Variants in SLMAP observed in about 807,000 individuals in gnomAD.
SLMAP encodes the protein sarcolemmal membrane-associated protein.
In SLMAP, 44 loss-of-function variants were observed where a neutral mutation model predicts 128.8. The observed-to-expected ratio is 0.34, with a 90% confidence interval of 0.27 to 0.44. The LOEUF is 0.44. Among genes scored for constraint, SLMAP ranks in the 20% least tolerant of loss-of-function variants. SLMAP has a pLI of 1.00. For synonymous variants in SLMAP, 327 were observed against 348.8 expected (o/e 0.94, Z 0.70); for missense variants, 787 against 985.3 (o/e 0.80, Z 2.69).
At chr3:57,811,291 A>T (rs1455693594) in intron 2 of SLMAP, among the ~76,000 whole-genome samples, 1 of 151,988 alleles carries the variant, frequency 6.6e-6, no homozygotes, top group Non-Finnish European at 1.5e-5. Context: ...TTCTGCCTCC[A>T]TGATTTTGGA....
chr3:57,912,314 C>A, intron 19 of SLMAP, 67 bp from the exon 20 acceptor site: 1 of 1,382,390 alleles, frequency 7.2e-7, no homozygotes, highest in South Asian at 1.3e-5. Flanking sequence ...TATGCATTAG[C>A]TACAATCCTG....
intron 14 of SLMAP, among the ~76,000 whole-genome samples, chr3:57,878,372 T>G (rs893324039): frequency 1.3e-4 from 20 of 152,248 alleles, no homozygotes; most frequent in Non-Finnish European, 2.2e-4. Flanking sequence ...TTTTCTGGTT[T>G]GAATACCGAT....
intron 13 of SLMAP, among the ~76,000 whole-genome samples, chr3:57,870,537 C>G (rs576353008): frequency 1.1e-3 from 169 of 151,998 alleles, no homozygotes; most frequent in African/African-American, 4.0e-3. Flanking sequence ...GCTCTGCACA[C>G]CATGTAACTT....
intron 2 of SLMAP, among the ~76,000 whole-genome samples, chr3:57,823,951 TG>T (rs2092732197): frequency 6.6e-6 from 1 of 152,232 alleles, no homozygotes; most frequent in South Asian, 2.1e-4. Flanking sequence ...GGTTTTGATT[TG>T]CATTTCTCTG....
At chr3:57,771,555 G>T (rs1220513430) in intron 2 of SLMAP, among the ~76,000 whole-genome samples, 2 of 151,750 alleles carry the variant, frequency 1.3e-5, no homozygotes, top group African/African-American at 4.8e-5. Context: ...TTTTAGACAG[G>T]GTCTTGTTCT....
chr3:57,757,697 C>A lies in SLMAP; in HGVS notation c.46C>A (p.Pro16Thr). The A allele has an allele frequency of 6.2e-7, 1 of 1,614,146 alleles. No individual in the cohort carries two copies. Among genetic ancestry groups the A allele is most frequent in the Non-Finnish European group, 8.5e-7 (1 of 1,180,044 alleles). Reference sequence around the variant, plus strand: ...CTTCACTTGCCGCCCGAACTCGCACCCGTTTCAGGAGCGTCATGTCTACCT... The same window carrying A: ...CTTCACTTGCCGCCCGAACTCGCACACGTTTCAGGAGCGTCATGTCTACCT... ...AIFTCRPNSH[P>T]FQERHVYLDE... Residue 16 changes from proline to threonine, a missense_variant, in exon 2 of 25, where the codon CCG (proline) becomes ACG (threonine). By Grantham distance (38) the Pro-to-Thr change is conservative (BLOSUM62 -1). Around this residue, in one of 2 missense-constraint regions of SLMAP, gnomAD observed 72 missense variants for 141.8 expected, o/e 0.51. Coordinates refer to ENST00000671191, the MANE Select transcript of SLMAP (RefSeq NM_001377540.1).
At chr3:57,841,073 T>G (rs1272926183) in intron 3 of SLMAP, among the ~76,000 whole-genome samples, 1 of 152,190 alleles carries the variant, frequency 6.6e-6, no homozygotes, top group Non-Finnish European at 1.5e-5. Flanking sequence ...AATTGGAGAT[T>G]AAGACACTTT....
intron 2 of SLMAP, among the ~76,000 whole-genome samples, chr3:57,798,559 TA>T (rs1480109700): frequency 1.3e-5 from 2 of 152,146 alleles, no homozygotes; most frequent in African/African-American, 4.8e-5. Context: ...AGAGAATATA[TA>T]TTATAGCTCA....
intron 17 of SLMAP, chr3:57,901,403 G>A (rs1415969815): frequency 6.6e-6 from 1 of 152,254 alleles, no homozygotes; most frequent in Admixed American, 6.5e-5. Flanking sequence ...TTGTTTGTTT[G>A]TTTCAGAGGA....
rs1333788570 is a variant in SLMAP, at chr3:57,867,550, A to T, written c.1237+2258A>T. The stretch of plus-strand genomic sequence containing the variant: ...GTGATATATTGAGTTACGGTATGAT[A>T]GTGACTAATAGAATATTTTAAAAGA... On this transcript the variant is annotated intron_variant, in intron 13 of 24. Coordinates refer to ENST00000671191, the MANE Select transcript of SLMAP (RefSeq NM_001377540.1). Among the ~76,000 whole-genome samples, 5 of 152,146 alleles carry T rather than the reference A, an allele frequency of 3.3e-5. No individual in the cohort carries two copies. In the East Asian group the frequency reaches 9.6e-4, roughly 29 times the overall value.
chr3:57,762,450 A>G (rs1461611310), intron 2 of SLMAP, among the ~76,000 whole-genome samples: 2 of 152,204 alleles, frequency 1.3e-5, no homozygotes. Context: ...ATTTTAGAAT[A>G]TCTGCAAAAT....
intron 14 of SLMAP, among the ~76,000 whole-genome samples, chr3:57,877,038 C>CTT (rs764650102): frequency 1.4e-5 from 2 of 146,226 alleles, no homozygotes; most frequent in African/African-American, 5.0e-5. Context: ...CCTTTGTATT[C>CTT]TTTTTTTTTT....
chr3:57,830,464 T>C (rs1308224162), intron 2 of SLMAP, among the ~76,000 whole-genome samples: 5 of 152,036 alleles, frequency 3.3e-5, no homozygotes, highest in African/African-American at 1.2e-4. Context: ...GGCTGAAGAG[T>C]GTAGAAAAAT....
chr3:57,916,898 T>C lies in SLMAP; in HGVS notation c.2139-8T>C. On this transcript the variant is annotated splice_region_variant and splice_polypyrimidine_tract_variant and intron_variant, in intron 21 of 24. Coordinates refer to ENST00000671191, the MANE Select transcript of SLMAP (RefSeq NM_001377540.1). ...GTGAATAACTATCTGTCAATATTTA[T>C]ATTGCAGTTCTCAGAAGCAGAGTTT... The C allele has an allele frequency of 6.2e-7, 1 of 1,610,256 alleles. No homozygotes were observed. Among genetic ancestry groups the C allele is most frequent in the South Asian group, 1.1e-5 (1 of 90,874 alleles).
At chr3:57,784,358 C>T (rs1559973359) in intron 2 of SLMAP, among the ~76,000 whole-genome samples, 3 of 152,176 alleles carry the variant, frequency 2.0e-5, no homozygotes, top group Admixed American at 1.3e-4. Context: ...AGCCTCTGTC[C>T]TAGTGTGCCC....
intron 2 of SLMAP, among the ~76,000 whole-genome samples, chr3:57,797,973 C>T (rs941485343): frequency 1.3e-5 from 2 of 152,172 alleles, no homozygotes; most frequent in African/African-American, 4.8e-5. Flanking sequence ...AATTTAGCTT[C>T]ATTGTGCCTC....
chr3:57,860,849 TC>T lies in SLMAP; in HGVS notation c.828+11del, dbSNP rs113521063. 2.7e-3 allele frequency: 3,859 copies of T among 1,452,538 alleles called. 1 individual carries two copies. Among genetic ancestry groups the T allele is most frequent in the East Asian group, 0.012 (443 of 36,472 alleles). 90.0% of individuals were successfully genotyped at this position (1,452,538 alleles called of 1,614,324 possible). ...ACTTTCAGAAGTTGAGGTATTTCAA[TC>T]AAAAAAAAAATACTAAATAGTATTA... On this transcript the variant is annotated intron_variant, in intron 9 of 24. Transcript: ENST00000671191.
At chr3:57,807,549 A>G (rs1461328327) in intron 2 of SLMAP, among the ~76,000 whole-genome samples, 3 of 152,124 alleles carry the variant, frequency 2.0e-5, no homozygotes, top group Non-Finnish European at 2.9e-5. Context: ...TGAGATTATC[A>G]TGTGGTTTTT....
intron 2 of SLMAP, among the ~76,000 whole-genome samples, chr3:57,820,518 G>GC (rs1400671253): frequency 1.2e-4 from 18 of 152,122 alleles, no homozygotes; most frequent in Middle Eastern, 3.4e-3. Flanking sequence ...TTCAGCCCCC[G>GC]CCCCCACTAC....
Sources: gnomAD v4.1 joint callset for allele counts (sites outside exome capture counted in the v4.1 genomes callset) on GRCh38, gnomAD v4.1.1 for gene constraint, gnomAD v4.1.1 regional missense constraint, MANE v1.5 for transcripts, NCBI Gene and HGNC (gene_info 2026-07-23, HGNC 2026-07-21) for gene names.